Variants in NFASC observed in about 807,000 individuals in gnomAD.
NFASC encodes the protein neurofascin homolog.
In NFASC, 43 loss-of-function variants were observed where a neutral mutation model predicts 147.5. That is an observed-to-expected ratio of 0.29 (90% CI 0.23 to 0.38). The LOEUF (loss-of-function observed/expected upper bound fraction) is 0.38. NFASC is among the 10% of genes least tolerant of loss of function. The pLI, the probability that NFASC is intolerant of heterozygous loss-of-function variation, is 1.00. For missense variants in NFASC, 1,320 were observed against 1,689.0 expected, an observed-to-expected ratio of 0.78 and a Z score of 3.83; for synonymous variants, 622 against 665.5, an observed-to-expected ratio of 0.93 and a Z score of 1.01.
chr1:204,971,148 G>A (rs1375293534), intron 11 of NFASC, among the ~76,000 whole-genome samples: 1 of 152,138 alleles, frequency 6.6e-6, no homozygotes, highest in Non-Finnish European at 1.5e-5. Context: ...CCCATTGTTG[G>A]TTACTCAAGT....
chr1:204,948,807 T>C, intron 3 of NFASC: 1 of 492,826 alleles, frequency 2.0e-6, no homozygotes. Context: ...CTTGTCAGGC[T>C]TGCTAACCAG....
At chr1:204,897,752 G>A (rs529467618) in intron 1 of NFASC, among the ~76,000 whole-genome samples, 9 of 143,446 alleles carry the variant, frequency 6.3e-5, no homozygotes, top group African/African-American at 2.1e-4. Flanking sequence ...TTTTTTTTGG[G>A]GGGGGCAGAG....
intron 28 of NFASC, among the ~76,000 whole-genome samples, chr1:205,011,126 A>C (rs1026424528): frequency 2.0e-5 from 3 of 152,172 alleles, no homozygotes; most frequent in Non-Finnish European, 4.4e-5. Context: ...TCCCTGCTCC[A>C]GAAAGCCCCA....
In NFASC at chr1:205,019,238, C is replaced by T. The variant is rs1387278896; in HGVS notation, c.*2699C>T. The T allele has an allele frequency of 6.6e-6, 1 of 152,296 alleles. No homozygotes were observed. Among genetic ancestry groups the T allele is most frequent in the Non-Finnish European group, 1.5e-5 (1 of 68,088 alleles). The allele number at this position is 152,296 out of a possible 1,614,324, so 9.4% of individuals were successfully genotyped here. A position where few individuals can be genotyped will look rare whatever the true frequency, so the allele number is the denominator to read the frequency against. On this transcript the variant is annotated 3_prime_UTR_variant, in exon 30 of 30. Coordinates refer to ENST00000339876, the MANE Select transcript of NFASC (RefSeq NM_001005388.3). ...GAGCCCATGTCAGAGTCCACTCCAG[C>T]TCAGCAGGAAAGTGGAATTGCCCAG...
At chr1:204,976,828 GC>G in intron 16 of NFASC, 33 bp downstream of exon 16, 1 of 1,593,516 alleles carries the variant, frequency 6.3e-7, no homozygotes, top group South Asian at 1.1e-5. Flanking sequence ...GCACTGACCA[GC>G]CCCACCCCCT....
At position 205,016,804 on chromosome 1, in the gene NFASC, C is replaced by A; in HGVS notation, c.*265C>A. 1.9e-6 allele frequency: 1 copy of A among 539,478 alleles called. No individual in the cohort carries two copies. The highest frequency in any genetic ancestry group is 3.4e-6 in the Non-Finnish European group (1 of 292,212). The allele number at this position is 539,478 out of a possible 1,614,324, so 33.4% of individuals were successfully genotyped here. ...GCTGGAGGGAGCCTGGCCCCTTGCC[C>A]GGTCTCGCAGCCACCCCGAGCGTTC... is the stretch of plus-strand genomic sequence containing the variant. On this transcript the variant is annotated 3_prime_UTR_variant, in exon 30 of 30. Transcript: ENST00000339876. The surrounding 1 kb of genome is among the most constrained non-coding windows in gnomAD (Gnocchi z 5.1).
chr1:204,934,978 ACT>A (rs2092707971), intron 2 of NFASC, among the ~76,000 whole-genome samples: 1 of 152,234 alleles, frequency 6.6e-6, no homozygotes, highest in Non-Finnish European at 1.5e-5. Context: ...TGAACAAGAC[ACT>A]GTCTTAGCCT....
chr1:204,870,054 G>T (rs2077463481), intron 1 of NFASC, among the ~76,000 whole-genome samples: 1 of 152,290 alleles, frequency 6.6e-6, no homozygotes, highest in Admixed American at 6.5e-5. Flanking sequence ...CCTCCTCCAG[G>T]AGGGTAGGAG....
intron 1 of NFASC, among the ~76,000 whole-genome samples, chr1:204,845,068 C>G (rs558493188): frequency 6.6e-6 from 1 of 152,096 alleles, no homozygotes; most frequent in Non-Finnish European, 1.5e-5. Flanking sequence ...GGGACTTTCC[C>G]CCTACTTCCC....
chr1:204,976,860 G>A, intron 16 of NFASC, 65 bp downstream of exon 16: 1 of 1,578,830 alleles, frequency 6.3e-7, no homozygotes, highest in Non-Finnish European at 8.6e-7. Context: ...CAGAGAAGCA[G>A]TGGCCCGGGG....
At chr1:204,834,444 C>G (rs1673103437) in intron 1 of NFASC, among the ~76,000 whole-genome samples, 2 of 152,068 alleles carry the variant, frequency 1.3e-5, no homozygotes, top group Admixed American at 6.5e-5. Context: ...TGCCCTCACT[C>G]CCCTATCATC....
chr1:204,908,123 A>G (rs1483177714), intron 1 of NFASC, among the ~76,000 whole-genome samples: 1 of 152,136 alleles, frequency 6.6e-6, no homozygotes, highest in Admixed American at 6.5e-5. Context: ...CTGAGACTAC[A>G]GGCACGCACC....
intron 2 of NFASC, among the ~76,000 whole-genome samples, chr1:204,930,317 C>T (rs2092253922): frequency 6.6e-6 from 1 of 152,114 alleles, no homozygotes; most frequent in African/African-American, 2.4e-5. Context: ...GCAGGCTCTG[C>T]TACAGGGACA....
chr1:204,863,082 G>GT (rs756289344), intron 1 of NFASC, among the ~76,000 whole-genome samples: 1 of 152,202 alleles, frequency 6.6e-6, no homozygotes, highest in Admixed American at 6.5e-5. Context: ...GAAGTGATGG[G>GT]TCAGAGTTTA....
intron 1 of NFASC, among the ~76,000 whole-genome samples, chr1:204,900,354 T>C (rs1178645302): frequency 6.6e-6 from 1 of 152,164 alleles, no homozygotes; most frequent in East Asian, 1.9e-4. Context: ...TACATAATAT[T>C]AACTGCTGCA....
At chr1:204,921,435 G>A (rs2090457876) in intron 2 of NFASC, among the ~76,000 whole-genome samples, 4 of 152,198 alleles carry the variant, frequency 2.6e-5, no homozygotes, top group Admixed American at 2.0e-4. Context: ...CCTGAGCAGG[G>A]CAAAATTTCC....
intron 24 of NFASC, among the ~76,000 whole-genome samples, chr1:204,995,052 C>A (rs538236697): frequency 2.0e-5 from 3 of 151,946 alleles, no homozygotes; most frequent in Non-Finnish European, 4.4e-5. Flanking sequence ...CCTGGGAGGT[C>A]GAGGCTACAG....
chr1:205,012,408 A>G (rs370474922), intron 28 of NFASC, among the ~76,000 whole-genome samples: 1 of 152,220 alleles, frequency 6.6e-6, no homozygotes, highest in African/African-American at 2.4e-5. Context: ...GCATGAAAAA[A>G]CGTCCACAAA....
At chr1:204,836,180 G>A (rs1324317948) in intron 1 of NFASC, among the ~76,000 whole-genome samples, 1 of 152,150 alleles carries the variant, frequency 6.6e-6, no homozygotes, top group East Asian at 1.9e-4. Flanking sequence ...GTGTGTGTGT[G>A]TGGTGCCTAT....
Sources: allele counts gnomAD v4.1 joint callset (sites outside exome capture counted in the v4.1 genomes callset), GRCh38; gene constraint gnomAD v4.1.1; non-coding constraint Gnocchi (gnomAD v3.1); transcripts MANE v1.5; gene names NCBI Gene and HGNC (gene_info 2026-07-23, HGNC 2026-07-21).